Variants in ATP11C observed in about 807,000 individuals in gnomAD.
ATP11C encodes phospholipid-transporting ATPase IG.
ATP11C carries 36 observed loss-of-function variants against 97.4 expected under a neutral mutation model. That is an observed-to-expected ratio of 0.37 (90% CI 0.28 to 0.49). The LOEUF (loss-of-function observed/expected upper bound fraction) is 0.49. ATP11C is among the 20% of genes least tolerant of loss of function. The pLI is 0.98. For missense variants in ATP11C, 730 were observed against 824.6 expected (o/e 0.89, Z 1.40); for synonymous variants, 275 against 290.9 (o/e 0.95, Z 0.56).
At position 139,762,034 on chromosome X, in the gene ATP11C, T is replaced by C. The variant is rs769086311; in HGVS notation, c.2567A>G (p.Lys856Arg). 7 of 1,205,954 alleles carry C rather than the reference T, an allele frequency of 5.8e-6. No homozygotes were observed. Among genetic ancestry groups the C allele is most frequent in the Non-Finnish European group, 2.2e-6 (2 of 891,667 alleles). ...ATGTCCATGAGCCAACAGCAGTTTC[T>C]TTAAGTGTTTAAACTTTGGAACAGA... ...DYSVPKFKHL[K>R]KLLLAHGHLY... The change falls in exon 22 of 30, where the codon AAG (lysine) becomes AGG (arginine). Residue 856 changes from lysine (K) to arginine (R), a missense_variant. Coordinates refer to ENST00000682941, the MANE Select transcript of ATP11C (RefSeq NM_001353812.2).
chrX:139,836,134 G>A (rs12689725), intron 1 of ATP11C, among the ~76,000 whole-genome samples: 5,287 of 108,158 alleles, frequency 0.049, 237 homozygotes, highest in East Asian at 0.29. Context: ...AAGCATTCAA[G>A]GGTGAGGAAG....
chrX:139,731,380 C>T (rs1395173560), intron 29 of ATP11C, among the ~76,000 whole-genome samples: 2 of 112,090 alleles, frequency 1.8e-5, no homozygotes, highest in Non-Finnish European at 3.8e-5. Context: ...TGACAACTTG[C>T]CCCTTACAAA....
At chrX:139,904,653 T>C (rs2084947868) in intron 1 of ATP11C, among the ~76,000 whole-genome samples, 1 of 112,045 alleles carries the variant, frequency 8.9e-6, no homozygotes, top group South Asian at 3.7e-4. Context: ...TACAAGGTAC[T>C]ATGAGGCCCT....
At chrX:139,917,740 A>C (rs1485660294) in intron 1 of ATP11C, among the ~76,000 whole-genome samples, 1 of 110,757 alleles carries the variant, frequency 9.0e-6, no homozygotes, top group Non-Finnish European at 1.9e-5. Flanking sequence ...GGGATCACAT[A>C]AGGTCAGGAG....
At chrX:139,857,371 G>A (rs1399500508) in intron 1 of ATP11C, among the ~76,000 whole-genome samples, 1 of 111,940 alleles carries the variant, frequency 8.9e-6, no homozygotes, top group Non-Finnish European at 1.9e-5. Flanking sequence ...GAATTAATAT[G>A]TCAGTGTGTT....
chrX:139,812,273 T>A (rs896531457), intron 5 of ATP11C, among the ~76,000 whole-genome samples: 9 of 111,687 alleles, frequency 8.1e-5, no homozygotes, highest in African/African-American at 2.9e-4. Flanking sequence ...ACACAATAAT[T>A]TAATCACAAT....
At chrX:139,936,303 G>T (rs2085515259), upstream of ATP11C, among the ~76,000 whole-genome samples, 1 of 111,278 alleles carries the variant, frequency 9.0e-6, no homozygotes, top group African/African-American at 3.3e-5. Flanking sequence ...AAAAGATTTT[G>T]GTTCTTTTTA....
rs747358860 is a variant in ATP11C, at chrX:139,932,049, G to C, written c.-7C>G. On this transcript the variant is annotated 5_prime_UTR_variant, in exon 1 of 30. Coordinates refer to ENST00000682941, the MANE Select transcript of ATP11C (RefSeq NM_001353812.2). ...TCAAGCTCCGGCGGAACATCGCGTC[G>C]AAGGCTGCCGGGCGCTGAGCTGGGC... The C allele has an allele frequency of 8.6e-5, 100 of 1,160,652 alleles. No homozygotes were observed. Among genetic ancestry groups the C allele is most frequent in the Non-Finnish European group, 1.1e-4 (97 of 869,544 alleles).
At chrX:139,834,518 G>A (rs2083716801) in intron 1 of ATP11C, among the ~76,000 whole-genome samples, 1 of 111,774 alleles carries the variant, frequency 8.9e-6, no homozygotes, top group Non-Finnish European at 1.9e-5. Context: ...CTGATGATCT[G>A]ATTGTAATTA....
chrX:139,788,452 C>A, intron 13 of ATP11C, 109 bp from the exon 14 acceptor site: 1 of 705,174 alleles, frequency 1.4e-6, no homozygotes, highest in Non-Finnish European at 2.2e-6. Context: ...TAACTTCTAA[C>A]AAACTTAGTA....
Position 139,789,474 on chromosome X carries a change from A to C in ATP11C, c.1221T>G (p.Phe407Leu). The change falls in exon 13 of 30, where the codon TTT becomes TTG. Residue 407 changes from phenylalanine to leucine, a missense_variant. By Grantham distance (22) the Phe-to-Leu change is conservative. Coordinates refer to ENST00000682941, the MANE Select transcript of ATP11C (RefSeq NM_001353812.2). ...CAGTGAGTGTTCCAGTCTTATCTGTAAATACATAATCCACCTAAAACAAGG... is the reference window on the plus strand; with the variant it reads ...CAGTGAGTGTTCCAGTCTTATCTGTCAATACATAATCCACCTAAAACAAGG... ...NEELGQVDYV[F>L]TDKTGTLTEN... 8.4e-7 allele frequency: 1 copy of C among 1,188,960 alleles called. No homozygotes were observed. The highest frequency in any genetic ancestry group is 1.1e-6 in the Non-Finnish European group (1 of 885,082).
chrX:139,843,427 T>G (rs1485648708), intron 1 of ATP11C, among the ~76,000 whole-genome samples: 1 of 112,206 alleles, frequency 8.9e-6, no homozygotes, highest in Non-Finnish European at 1.9e-5. Flanking sequence ...AAGTTATGTA[T>G]GACCAGAGAT....
chrX:139,849,277 TG>T (rs2083955086), intron 1 of ATP11C, among the ~76,000 whole-genome samples: 1 of 112,029 alleles, frequency 8.9e-6, no homozygotes, highest in Non-Finnish European at 1.9e-5. Context: ...TTTCCTATAC[TG>T]TCAACCACTT....
intron 5 of ATP11C, among the ~76,000 whole-genome samples, chrX:139,808,289 G>A (rs1265349865): frequency 2.7e-5 from 3 of 111,350 alleles, no homozygotes; most frequent in South Asian, 3.8e-4. Flanking sequence ...TTGGAGTACC[G>A]GAAGAATAGA....
intron 18 of ATP11C, among the ~76,000 whole-genome samples, chrX:139,778,112 C>T (rs1312216791): frequency 9.0e-6 from 1 of 111,660 alleles, no homozygotes; most frequent in East Asian, 2.8e-4. Flanking sequence ...CCACCTCAAC[C>T]TTTCAAAGCA....
chrX:139,800,031 A>C, intron 8 of ATP11C, 29 bp downstream of exon 8: 2 of 403,705 alleles, frequency 5.0e-6, no homozygotes, highest in Non-Finnish European at 9.0e-6. Flanking sequence ...CCCCAACCAA[A>C]GGACAAATTA....
chrX:139,817,920 G>A lies in ATP11C; in HGVS notation c.238-977C>T, dbSNP rs145413580. On this transcript the variant is annotated intron_variant, in intron 3 of 29. Transcript: ENST00000682941. Reference sequence around the variant, plus strand: ...TACATTTAAGGGAGGATGATTTTGAGTTCAGTCTGCCCTCCCAACTCGTTG... The same window carrying A: ...TACATTTAAGGGAGGATGATTTTGAATTCAGTCTGCCCTCCCAACTCGTTG... 2.6e-3 allele frequency among the ~76,000 whole-genome samples: 287 copies of A among 111,667 alleles called. 2 individuals carry two copies. The highest frequency in any genetic ancestry group is 7.6e-3 in the African/African-American group (232 of 30,700).
intron 1 of ATP11C, among the ~76,000 whole-genome samples, chrX:139,911,061 G>A (rs950873018): frequency 1.8e-5 from 2 of 110,801 alleles, no homozygotes; most frequent in African/African-American, 6.6e-5. Flanking sequence ...TCCCAACATT[G>A]GCATAGAGAA....
intron 1 of ATP11C, among the ~76,000 whole-genome samples, chrX:139,928,033 G>A (rs1477532826): frequency 8.9e-6 from 1 of 111,953 alleles, no homozygotes; most frequent in Non-Finnish European, 1.9e-5. Context: ...TCCCTGTCTA[G>A]GACAGCCTTT....
Sources: gnomAD v4.1 joint callset for allele counts (sites outside exome capture counted in the v4.1 genomes callset) on GRCh38, gnomAD v4.1.1 for gene constraint, MANE v1.5 for transcripts, NCBI Gene and HGNC (gene_info 2026-07-23, HGNC 2026-07-21) for gene names.